The following TMEM244 variants were observed in gnomAD, a reference collection of about 807,000 sequenced individuals.
TMEM244 encodes putative transmembrane protein 244.
Under a neutral mutation model 15.8 loss-of-function variants are expected in TMEM244, and 13 were observed. That is an observed-to-expected ratio of 0.82 (90% confidence interval 0.53 to 1.30). TMEM244 has a LOEUF of 1.30. TMEM244 is among the 50% of genes most tolerant of loss of function. The pLI is 0.00. For missense variants in TMEM244, 161 were observed against 144.9 expected (o/e 1.11, Z -0.57); for synonymous variants, 45 against 48.7 (o/e 0.92, Z 0.32).
At position 129,842,664 on chromosome 6, in the gene TMEM244, TAA is replaced by T. The variant is rs1327934570; in HGVS notation, c.193+864_193+865del. ...AATAGGGAAAAACTTAACAAAATAT[TAA>T]GAGTAATTACTGTATACAGAATGTA... On this transcript the variant is annotated intron_variant, in intron 3 of 4. Coordinates refer to ENST00000368143, the MANE Select transcript of TMEM244 (RefSeq NM_001010876.2). Among the ~76,000 whole-genome samples the T allele has an allele frequency of 4.6e-5, 7 of 152,116 alleles. 1 individual carries two copies. The highest frequency in any genetic ancestry group is 1.7e-4 in the African/African-American group (7 of 41,508).
intron 1 of TMEM244, among the ~76,000 whole-genome samples, chr6:129,853,698 C>A (rs770496403): frequency 6.6e-6 from 1 of 152,022 alleles, no homozygotes; most frequent in Non-Finnish European, 1.5e-5. Context: ...AAAGACTATA[C>A]CTGTGTAAAA....
chr6:129,832,037 T>C (rs1466271061), intron 4 of TMEM244, among the ~76,000 whole-genome samples: 1 of 151,770 alleles, frequency 6.6e-6, no homozygotes, highest in Non-Finnish European at 1.5e-5. Context: ...GCAGCGAAGC[T>C]AGGAAGTTGT....
At chr6:129,834,272 T>C (rs898079387) in intron 3 of TMEM244, among the ~76,000 whole-genome samples, 1 of 152,224 alleles carries the variant, frequency 6.6e-6, no homozygotes, top group African/African-American at 2.4e-5. Context: ...GATGGGTCAA[T>C]CTTTTGCCTC....
intron 3 of TMEM244, among the ~76,000 whole-genome samples, chr6:129,837,664 T>C (rs1776427580): frequency 6.6e-6 from 1 of 152,190 alleles, no homozygotes. Context: ...ATCAGTGTGC[T>C]GTATTCAAGA....
intron 4 of TMEM244, among the ~76,000 whole-genome samples, chr6:129,832,625 T>C (rs1359505889): frequency 6.6e-6 from 1 of 152,180 alleles, no homozygotes; most frequent in Non-Finnish European, 1.5e-5. Context: ...ATTCATTTAC[T>C]GAGTAATTAT....
intron 4 of TMEM244, among the ~76,000 whole-genome samples, chr6:129,833,112 T>A (rs1474274171): frequency 6.6e-6 from 1 of 152,196 alleles, no homozygotes; most frequent in Admixed American, 6.5e-5. Flanking sequence ...TATACCAATG[T>A]TAATTTATTA....
At chr6:129,847,563 G>C (rs1012851414) in intron 1 of TMEM244, among the ~76,000 whole-genome samples, 1 of 151,980 alleles carries the variant, frequency 6.6e-6, no homozygotes, top group Admixed American at 6.6e-5. Flanking sequence ...GGGATGTGAG[G>C]CCTAAGAGGG....
chr6:129,841,815 AC>A (rs1776495018), intron 3 of TMEM244, among the ~76,000 whole-genome samples: 1 of 152,152 alleles, frequency 6.6e-6, no homozygotes, highest in African/African-American at 2.4e-5. Context: ...CTCCTGGGTG[AC>A]AAAATTATTG....
chr6:129,849,857 A>C (rs1776611656), intron 1 of TMEM244, among the ~76,000 whole-genome samples: 1 of 152,058 alleles, frequency 6.6e-6, no homozygotes, highest in South Asian at 2.1e-4. Context: ...GCCAGCAGAG[A>C]ATGGGTGGGT....
At chr6:129,841,129 G>A (rs1776483625) in intron 3 of TMEM244, among the ~76,000 whole-genome samples, 1 of 152,130 alleles carries the variant, frequency 6.6e-6, no homozygotes, top group Non-Finnish European at 1.5e-5. Flanking sequence ...GCACACATAT[G>A]TTTACTGTGG....
chr6:129,833,822 G>A (rs905020762), intron 3 of TMEM244, among the ~76,000 whole-genome samples: 1 of 61,342 alleles, frequency 1.6e-5, no homozygotes, highest in Admixed American at 1.3e-4. Context: ...CACATTCTTT[G>A]TGTTTAACAT....
At chr6:129,841,259 T>G (rs1470799354) in intron 3 of TMEM244, among the ~76,000 whole-genome samples, 6 of 152,152 alleles carry the variant, frequency 3.9e-5, no homozygotes, top group Non-Finnish European at 8.8e-5. Flanking sequence ...AAGGACGAGT[T>G]CATGTCCTTT....
intron 3 of TMEM244, among the ~76,000 whole-genome samples, chr6:129,843,157 A>G (rs1776514430): frequency 6.6e-6 from 1 of 152,130 alleles, no homozygotes; most frequent in South Asian, 2.1e-4. Flanking sequence ...AAATTGTATT[A>G]TATGAACTCT....
In TMEM244 at chr6:129,845,749, A is replaced by G; in HGVS notation, c.119+18T>C. 2 of 1,560,070 alleles carry G rather than the reference A, an allele frequency of 1.3e-6. No homozygotes were observed. The highest frequency in any genetic ancestry group is 8.8e-7 in the Non-Finnish European group (1 of 1,133,698). ...ATGTTAGCTTTTTAATTCTATTTGA[A>G]GACAATGTGCTACTTACTCAAACAT... On this transcript the variant is annotated intron_variant, in intron 2 of 4. Coordinates refer to ENST00000368143, the MANE Select transcript of TMEM244 (RefSeq NM_001010876.2).
chr6:129,861,238 AT>A lies in TMEM244; in HGVS notation c.-51del, dbSNP rs1341621506. 1.2e-6 allele frequency: 2 copies of A among 1,603,136 alleles called. No homozygotes were observed. Among genetic ancestry groups the A allele is most frequent in the East Asian group, 4.5e-5 (2 of 44,752 alleles). On this transcript the variant is annotated 5_prime_UTR_variant, in exon 1 of 5. It removes the in-frame stop codon of an upstream open reading frame in the 5' UTR. Transcript: ENST00000368143. ...GATGAAAGCCCCACTCCTTATAGCG[AT>A]GACATCTGGAAGAAGACACAATTGT...
chr6:129,854,720 TAC>T (rs1353853600), intron 1 of TMEM244, among the ~76,000 whole-genome samples: 1 of 152,198 alleles, frequency 6.6e-6, no homozygotes, highest in Admixed American at 6.5e-5. Context: ...TGGTTCTGAT[TAC>T]AGCTGGTCCC....
At chr6:129,835,542 T>C (rs551582958) in intron 3 of TMEM244, among the ~76,000 whole-genome samples, 72 of 151,528 alleles carry the variant, frequency 4.8e-4, no homozygotes, top group African/African-American at 1.5e-3. Flanking sequence ...GTTCATCTCA[T>C]TGGGACTGGT....
intron 1 of TMEM244, among the ~76,000 whole-genome samples, chr6:129,852,404 A>C (rs991942064): frequency 2.0e-4 from 30 of 152,144 alleles, no homozygotes; most frequent in African/African-American, 7.2e-4. Context: ...ATCTCCTTTA[A>C]TCCTCACAAC....
rs910727915 is a variant in TMEM244 at position 129,845,673 on chromosome 6, C to G, written c.119+94G>C. The G allele has an allele frequency of 3.2e-6, 3 of 952,328 alleles. No individual in the cohort carries two copies. The African/African-American group carries it at 5.0e-5, about 16-fold the overall frequency. 59.0% of individuals were successfully genotyped at this position (952,328 alleles called of 1,614,324 possible). A position where few individuals can be genotyped will look rare whatever the true frequency, so the allele number is the denominator to read the frequency against. On this transcript the variant is annotated intron_variant, in intron 2 of 4. Transcript: ENST00000368143. ...ATGTCTTTAAAAAAATCCACATCCTCTAATCCATAAAGACATATGAAATGT... is the reference window on the plus strand; with the variant it reads ...ATGTCTTTAAAAAAATCCACATCCTGTAATCCATAAAGACATATGAAATGT...
Sources: gnomAD v4.1 joint callset for allele counts (sites outside exome capture counted in the v4.1 genomes callset) on GRCh38, gnomAD v4.1.1 for gene constraint, MANE v1.5 for transcripts, NCBI Gene and HGNC (gene_info 2026-07-23, HGNC 2026-07-21) for gene names.